Variants in SPPL2A observed in about 807,000 individuals in gnomAD.
SPPL2A encodes the protein signal peptide peptidase like 2A.
Under a neutral mutation model 63.8 loss-of-function variants are expected in SPPL2A, and 51 were observed. The ratio of observed to expected loss-of-function variants is 0.80; its 90% CI spans 0.64 to 1.01. The LOEUF is 1.01. SPPL2A is among the 50% of genes least tolerant of loss of function. SPPL2A has a pLI of 0.00. For missense variants in SPPL2A, 553 were observed against 622.7 expected, an observed-to-expected ratio of 0.89 and a Z score of 1.19; for synonymous variants, 188 against 205.8, an observed-to-expected ratio of 0.91 and a Z score of 0.74.
At chr15:50,733,643 A>G (rs746892487) in intron 8 of SPPL2A, among the ~76,000 whole-genome samples, 44 of 152,196 alleles carry the variant, frequency 2.9e-4, no homozygotes, top group Admixed American at 2.8e-3. Context: ...AGCACAGACA[A>G]CGAAAGCAAA....
chr15:50,726,091 G>C lies in SPPL2A; in HGVS notation c.1146+230C>G, dbSNP rs1292964504. 2.0e-6 allele frequency: 3 copies of C among 1,499,304 alleles called. No homozygotes were observed. The African/African-American group carries it at 4.2e-5, about 21-fold the overall frequency. 92.9% of individuals were successfully genotyped at this position (1,499,304 alleles called of 1,614,324 possible). On this transcript the variant is annotated intron_variant, in intron 11 of 14. Coordinates refer to ENST00000261854, the MANE Select transcript of SPPL2A (RefSeq NM_032802.4). ...TCCTTACTTTCTCATGGGGAGCTGA[G>C]GGTTGACCAGTGGCTTCCACCAAGT...
At chr15:50,728,805 G>A (rs796297800) in intron 10 of SPPL2A, among the ~76,000 whole-genome samples, 42 of 147,532 alleles carry the variant, frequency 2.8e-4, no homozygotes, top group African/African-American at 1.1e-3. Context: ...ACCACACCTG[G>A]CTGATTATTG....
At chr15:50,732,358 CA>C (rs1399388660) in intron 9 of SPPL2A, among the ~76,000 whole-genome samples, 4 of 151,704 alleles carry the variant, frequency 2.6e-5, no homozygotes, top group Non-Finnish European at 5.9e-5. Context: ...GTTTAGCTAG[CA>C]AATCAGTGGT....
chr15:50,731,157 A>C lies in SPPL2A; in HGVS notation c.1015-118T>G, dbSNP rs1370492158. 3 of 529,872 alleles carry C rather than the reference A, an allele frequency of 5.7e-6. No homozygotes were observed. The African/African-American group carries it at 5.9e-5, about 10-fold the overall frequency. The allele number at this position is 529,872 out of a possible 1,614,324, so 32.8% of individuals were successfully genotyped here. On this transcript the variant is annotated intron_variant, in intron 9 of 14. Transcript: ENST00000261854. Reference sequence around the variant, plus strand: ...ATACATTTAAATATTACTTTTAAAAAGATATCTTATGGTTAATACTATGTA... The same window carrying C: ...ATACATTTAAATATTACTTTTAAAACGATATCTTATGGTTAATACTATGTA...
At chr15:50,732,354 C>T (rs2062737756) in intron 9 of SPPL2A, among the ~76,000 whole-genome samples, 1 of 151,718 alleles carries the variant, frequency 6.6e-6, no homozygotes, top group South Asian at 2.1e-4. Flanking sequence ...AATAGTTTAG[C>T]TAGCAAATCA....
At chr15:50,732,580 C>T in intron 9 of SPPL2A, 23 bp downstream of exon 9, 1 of 1,382,734 alleles carries the variant, frequency 7.2e-7, no homozygotes, top group Non-Finnish European at 1.0e-6. Context: ...TTTTAACTAG[C>T]AAAGTAGTAT....
chr15:50,707,665 T>C lies in SPPL2A; in HGVS notation c.*135A>G, dbSNP rs2062521131. ...TAGTTATTTATGATGTAACTGTCAG[T>C]ACCAGCTCATAAAAATATATTTTTG... On this transcript the variant is annotated 3_prime_UTR_variant, in exon 15 of 15. Transcript: ENST00000261854. The C allele has an allele frequency of 1.7e-6, 1 of 600,922 alleles. No individual in the cohort carries two copies. The highest frequency in any genetic ancestry group is 1.9e-5 in the African/African-American group (1 of 53,928). The allele number at this position is 600,922 out of a possible 1,614,324, so 37.2% of individuals were successfully genotyped here. A position where few individuals can be genotyped will look rare whatever the true frequency, so the allele number is the denominator to read the frequency against.
rs532758459 is a variant in SPPL2A, at chr15:50,763,897, C to T, written c.66+1571G>A. Among the ~76,000 whole-genome samples, 8 of 151,282 alleles carry T rather than the reference C, an allele frequency of 5.3e-5. 1 individual carries two copies. The South Asian group carries it at 1.5e-3, about 28-fold the overall frequency. ...TGGGCGACAGAGTGAGACTCCGTCT[C>T]GAAAAAAACAAAAACAACAACAAAA... On this transcript the variant is annotated intron_variant, in intron 1 of 14. Coordinates refer to ENST00000261854, the MANE Select transcript of SPPL2A (RefSeq NM_032802.4).
rs60624824 is a variant in SPPL2A at position 50,731,927 on chromosome 15, C to CAAAAAAAAAAAAA, written c.1014+663_1014+675dup. Among the ~76,000 whole-genome samples the CAAAAAAAAAAAAA allele has an allele frequency of 1.3e-3, 83 of 64,114 alleles. 1 individual carries two copies. The highest frequency in any genetic ancestry group is 4.2e-3 in the African/African-American group (61 of 14,522). 42.1% of individuals were successfully genotyped at this position (64,114 alleles called of 152,430 possible). On this transcript the variant is annotated intron_variant, in intron 9 of 14. Transcript: ENST00000261854. ...TGGGAGACTGAATGAGACTCCATCT[C>CAAAAAAAAAAAAA]AAAAAAAAAAAAAAAACCAAATAAA...
Position 50,759,903 on chromosome 15 carries a change from A to G in SPPL2A, c.66+5565T>C, listed in dbSNP as rs78103132. Among the ~76,000 whole-genome samples, 820 of 152,166 alleles carry G rather than the reference A, an allele frequency of 5.4e-3. 6 individuals are homozygous for G. The highest frequency in any genetic ancestry group is 0.019 in the African/African-American group (795 of 41,512). ...CTCAGGATTTTTTGAGTTTCAAAGG[A>G]GATTATAGGTGTTGAATTTTGGGAA... On this transcript the variant is annotated intron_variant, in intron 1 of 14. Coordinates refer to ENST00000261854, the MANE Select transcript of SPPL2A (RefSeq NM_032802.4).
chr15:50,730,768 C>G (rs1488726389), intron 10 of SPPL2A, among the ~76,000 whole-genome samples, 197 bp downstream of exon 10: 3 of 152,112 alleles, frequency 2.0e-5, no homozygotes, highest in African/African-American at 7.2e-5. Context: ...ATATTTATAT[C>G]AGTCAAGAGA....
chr15:50,734,494 T>C (rs1396981176), intron 8 of SPPL2A, among the ~76,000 whole-genome samples: 1 of 152,004 alleles, frequency 6.6e-6, no homozygotes, highest in Non-Finnish European at 1.5e-5. Context: ...CTCATGGAGA[T>C]AGTAGAATGA....
chr15:50,748,840 T>G lies in SPPL2A; in HGVS notation c.208A>C (p.Thr70Pro), dbSNP rs750011761. ...TSISLMNLTS[T>P]PLCNLSDIPP... The stretch of plus-strand genomic sequence containing the variant: ...ATATCAGAAAGGTTGCATAGTGGTG[T>G]GGAAGTCAGATTCATCAAACTAATG... The change falls in exon 3 of 15, where the codon ACA becomes CCA. Residue 70 changes from threonine (T) to proline (P), a missense_variant. Thr to Pro is a conservative substitution (Grantham distance 38). Transcript: ENST00000261854. The G allele has an allele frequency of 6.3e-7, 1 of 1,593,978 alleles. No individual in the cohort carries two copies.
rs1052582920 is a variant in SPPL2A, at chr15:50,747,463, A to G, written c.584+32T>C. 5.1e-6 allele frequency: 8 copies of G among 1,562,716 alleles called. No homozygotes were observed. The African/African-American group carries it at 1.1e-4, about 22-fold the overall frequency. On this transcript the variant is annotated intron_variant, in intron 5 of 14. Transcript: ENST00000261854. ...TGATTGCAGAAATTTTTAACCATTT[A>G]TTACAAAAACGCTTAAGTTAATTAA...
At chr15:50,763,190 A>G (rs1407975150) in intron 1 of SPPL2A, among the ~76,000 whole-genome samples, 1 of 152,144 alleles carries the variant, frequency 6.6e-6, no homozygotes, top group Non-Finnish European at 1.5e-5. Flanking sequence ...ATGGTAGAAG[A>G]CTTCAGACAG....
chr15:50,715,188 C>T (rs1186274413), intron 14 of SPPL2A, among the ~76,000 whole-genome samples: 2 of 151,790 alleles, frequency 1.3e-5, no homozygotes, highest in African/African-American at 2.4e-5. Context: ...AGTAGAGATG[C>T]GGTTTCATCA....
chr15:50,732,706 C>G (rs1435925688), intron 8 of SPPL2A, 22 bp from the exon 9 acceptor site: 1 of 1,431,512 alleles, frequency 7.0e-7, no homozygotes. Flanking sequence ...AAATATTACT[C>G]TATTGCTTTA....
rs572932187 is a variant in SPPL2A, at chr15:50,763,005, A to G, written c.66+2463T>C. ...TGATCCACCCACCTGGACCTCTCAA[A>G]GTGCTGGGATGACAGGCGTGAGCCA... On this transcript the variant is annotated intron_variant, in intron 1 of 14. Coordinates refer to ENST00000261854, the MANE Select transcript of SPPL2A (RefSeq NM_032802.4). Among the ~76,000 whole-genome samples, 3 of 151,314 alleles carry G rather than the reference A, an allele frequency of 2.0e-5. No individual in the cohort carries two copies. In the East Asian group the frequency reaches 5.8e-4, roughly 29 times the overall value.
intron 1 of SPPL2A, among the ~76,000 whole-genome samples, chr15:50,763,649 A>C (rs191212745): frequency 3.2e-4 from 48 of 152,362 alleles, no homozygotes; most frequent in Admixed American, 2.7e-3. Context: ...CTGTAATCCC[A>C]GCACTTTGGG....
Sources: allele counts gnomAD v4.1 joint callset (sites outside exome capture counted in the v4.1 genomes callset), GRCh38; gene constraint gnomAD v4.1.1; transcripts MANE v1.5; gene names NCBI Gene and HGNC (gene_info 2026-07-23, HGNC 2026-07-21).